PITPNC1: variants seen among roughly 807,000 people sequenced by gnomAD.
PITPNC1 encodes phosphatidylinositol transfer protein cytoplasmic 1.
Under a neutral mutation model 44.7 loss-of-function variants are expected in PITPNC1, and 18 were observed. That is an observed-to-expected ratio of 0.40 (90% CI 0.28 to 0.60). PITPNC1 has a LOEUF of 0.60. Among genes scored for constraint, PITPNC1 ranks in the 20% least tolerant of loss-of-function variants. The pLI is 0.39. For missense variants in PITPNC1, 290 were observed against 418.4 expected, an observed-to-expected ratio of 0.69 and a Z score of 2.68; for synonymous variants, 141 against 149.6, an observed-to-expected ratio of 0.94 and a Z score of 0.42.
At chr17:67,519,675 A>G (rs1449061474) in intron 1 of PITPNC1, among the ~76,000 whole-genome samples, 4 of 152,162 alleles carry the variant, frequency 2.6e-5, no homozygotes, top group African/African-American at 9.7e-5. Context: ...CCTCCCTGCA[A>G]CCAGCCATAC....
intron 5 of PITPNC1, among the ~76,000 whole-genome samples, chr17:67,587,083 A>G (rs570950820): frequency 2.4e-4 from 36 of 152,296 alleles, no homozygotes; most frequent in South Asian, 1.9e-3. Context: ...CATTGCCATC[A>G]TGGGAAACAG....
In PITPNC1 at chr17:67,445,911, A is replaced by G. The variant is rs376188716; in HGVS notation, c.48+67709A>G. ...GGCTTAAATTGCTCCAGAAGTTCCA[A>G]TCAGACTCTAGGTATCTTTGGCTGT... On this transcript the variant is annotated intron_variant, in intron 1 of 8. Coordinates refer to ENST00000581322, the MANE Select transcript of PITPNC1 (RefSeq NM_012417.4). Among the ~76,000 whole-genome samples, 13 of 151,984 alleles carry G rather than the reference A, an allele frequency of 8.6e-5. No individual in the cohort carries two copies. The East Asian group carries it at 1.9e-3, about 23-fold the overall frequency.
intron 2 of PITPNC1, among the ~76,000 whole-genome samples, chr17:67,547,929 G>A (rs2040706827): frequency 6.6e-6 from 1 of 152,206 alleles, no homozygotes; most frequent in Admixed American, 6.5e-5. Context: ...TGCTGCTGAT[G>A]CTTTGGGCTG....
intron 8 of PITPNC1, among the ~76,000 whole-genome samples, chr17:67,688,353 C>CAAAAAAAAAA (rs1555584407): frequency 2.1e-4 from 10 of 47,670 alleles, no homozygotes; most frequent in African/African-American, 8.8e-4. Context: ...AAAAAAAAAT[C>CAAAAAAAAAA]AATGCTGTAG....
intron 1 of PITPNC1, among the ~76,000 whole-genome samples, chr17:67,452,976 C>G (rs2039204406): frequency 6.6e-6 from 1 of 152,224 alleles, no homozygotes; most frequent in South Asian, 2.1e-4. Flanking sequence ...TGGTATCTCA[C>G]TGTGGTTTTA....
At chr17:67,476,278 C>A (rs1030263689) in intron 1 of PITPNC1, among the ~76,000 whole-genome samples, 1 of 151,898 alleles carries the variant, frequency 6.6e-6, no homozygotes, top group African/African-American at 2.4e-5. Context: ...CTCTGTCCCC[C>A]CAGGTTCAAG....
chr17:67,402,144 G>A (rs746232038), intron 1 of PITPNC1, among the ~76,000 whole-genome samples: 30 of 152,202 alleles, frequency 2.0e-4, no homozygotes, highest in Non-Finnish European at 3.8e-4. Flanking sequence ...CAGGCATAGG[G>A]CAACATGTAA....
chr17:67,419,861 G>A (rs1008933227), intron 1 of PITPNC1, among the ~76,000 whole-genome samples: 2 of 151,944 alleles, frequency 1.3e-5, no homozygotes, highest in African/African-American at 4.8e-5. Flanking sequence ...AGCCGAGACT[G>A]TGCCGCTGCA....
chr17:67,454,625 C>T (rs58589321), intron 1 of PITPNC1, among the ~76,000 whole-genome samples: 1,921 of 151,980 alleles, frequency 0.013, 43 homozygotes, highest in African/African-American at 0.044. Context: ...ACTTTAGAAA[C>T]GATGATTGCT....
At position 67,409,724 on chromosome 17, in the gene PITPNC1, G is replaced by A. The variant is rs531940567; in HGVS notation, c.48+31522G>A. Among the ~76,000 whole-genome samples, 12 of 152,038 alleles carry A rather than the reference G, an allele frequency of 7.9e-5. No homozygotes were observed. In the South Asian group the frequency reaches 2.5e-3, roughly 32 times the overall value. On this transcript the variant is annotated intron_variant, in intron 1 of 8. Coordinates refer to ENST00000581322, the MANE Select transcript of PITPNC1 (RefSeq NM_012417.4). ...CAGCTAATTTTGTATTTTTAGTAGA[G>A]GTGGGGTTTCATCATGTTGTCCAGG... is the stretch of plus-strand genomic sequence containing the variant.
chr17:67,610,194 C>G (rs562062313), intron 5 of PITPNC1, among the ~76,000 whole-genome samples: 1 of 152,232 alleles, frequency 6.6e-6, no homozygotes, highest in East Asian at 1.9e-4. Flanking sequence ...TCAGGCCCCA[C>G]CCTAGACCCA....
chr17:67,438,886 C>T (rs1480072825), intron 1 of PITPNC1, among the ~76,000 whole-genome samples: 1 of 152,156 alleles, frequency 6.6e-6, no homozygotes, highest in Non-Finnish European at 1.5e-5. Flanking sequence ...TGTAATCCTG[C>T]CAGAGATCCA....
rs58085324 is a variant in PITPNC1, at chr17:67,438,039, T to C, written c.48+59837T>C. The stretch of plus-strand genomic sequence containing the variant: ...GCGGAGATCTCGACACTGCACTCCA[T>C]CCTGGGCGGCAGAGCGAGACTCTGT... On this transcript the variant is annotated intron_variant, in intron 1 of 8. Coordinates refer to ENST00000581322, the MANE Select transcript of PITPNC1 (RefSeq NM_012417.4). 8.3e-3 allele frequency among the ~76,000 whole-genome samples: 1,239 copies of C among 149,480 alleles called. 19 individuals are homozygous for C. Among genetic ancestry groups the C allele is most frequent in the African/African-American group, 0.029 (1,182 of 40,578 alleles).
chr17:67,482,674 A>G (rs768478059), intron 1 of PITPNC1, among the ~76,000 whole-genome samples: 1 of 152,208 alleles, frequency 6.6e-6, no homozygotes, highest in Admixed American at 6.5e-5. Context: ...GACAGTAGGA[A>G]CCATTTGGTG....
chr17:67,498,934 C>T (rs764951134), intron 1 of PITPNC1, among the ~76,000 whole-genome samples: 47 of 150,668 alleles, frequency 3.1e-4, no homozygotes, highest in East Asian at 3.9e-4. Context: ...TGCAGTAGCA[C>T]GATCACGGCT....
intron 6 of PITPNC1, among the ~76,000 whole-genome samples, chr17:67,659,830 A>G (rs923631133): frequency 6.6e-6 from 1 of 152,196 alleles, no homozygotes; most frequent in Non-Finnish European, 1.5e-5. Context: ...TTTGGACATA[A>G]GTATACACCT....
At chr17:67,490,873 C>T (rs1476397839) in intron 1 of PITPNC1, among the ~76,000 whole-genome samples, 1 of 152,190 alleles carries the variant, frequency 6.6e-6, no homozygotes, top group East Asian at 1.9e-4. Context: ...TTTATATCAA[C>T]ATTTCTTCTC....
intron 5 of PITPNC1, among the ~76,000 whole-genome samples, chr17:67,616,777 A>G (rs1260001143): frequency 1.3e-5 from 2 of 152,088 alleles, no homozygotes; most frequent in African/African-American, 2.4e-5. Flanking sequence ...TCTCTGCCTC[A>G]CCACTTTCCC....
At chr17:67,447,117 G>A (rs772479264) in intron 1 of PITPNC1, among the ~76,000 whole-genome samples, 1,908 of 57,538 alleles carry the variant, frequency 0.033, no homozygotes, top group Non-Finnish European at 0.052. Flanking sequence ...AAAAAAAAAA[G>A]AATGACCCTA....
Sources: allele counts gnomAD v4.1 joint callset (sites outside exome capture counted in the v4.1 genomes callset), GRCh38; gene constraint gnomAD v4.1.1; transcripts MANE v1.5; gene names NCBI Gene and HGNC (gene_info 2026-07-23, HGNC 2026-07-21).